Variants in BLTP1 observed in about 807,000 individuals in gnomAD.
BLTP1 encodes the protein fragile site-associated protein.
the BLTP1 span, chr4:122,249,220 C>T: frequency 1.7e-6 from 1 of 598,518 alleles, no homozygotes; most frequent in Non-Finnish European, 2.1e-6. Context: ...ATATTTTTAA[C>T]TTTATATTTT....
the BLTP1 span, among the ~76,000 whole-genome samples, chr4:122,352,301 T>C: frequency 6.6e-6 from 1 of 152,024 alleles, no homozygotes; most frequent in Non-Finnish European, 1.5e-5. Flanking sequence ...TAAAATTCCA[T>C]GCAAGTACTT....
the BLTP1 span, chr4:122,169,698 C>CAT: frequency 1.1e-6 from 1 of 946,810 alleles, no homozygotes; most frequent in South Asian, 4.9e-5. Context: ...TATATACATA[C>CAT]ATATGTATAT....
At chr4:122,185,739 T>C in the BLTP1 span, among the ~76,000 whole-genome samples, 2 of 152,114 alleles carry the variant, frequency 1.3e-5, no homozygotes, top group Non-Finnish European at 2.9e-5. Context: ...GTACTTTTAC[T>C]CTTTAAGTGG....
the BLTP1 span, chr4:122,277,544 G>A: frequency 4.2e-6 from 4 of 946,666 alleles, no homozygotes; most frequent in Non-Finnish European, 5.0e-6. Context: ...ACTGTTCTAG[G>A]CATTGGAAAG....
the BLTP1 span, among the ~76,000 whole-genome samples, chr4:122,296,146 T>C: frequency 6.6e-6 from 1 of 152,212 alleles, no homozygotes; most frequent in Non-Finnish European, 1.5e-5. Flanking sequence ...TTATCTTTGT[T>C]TGCAGATGAT....
At chr4:122,292,904 C>G in the BLTP1 span, 6 of 227,256 alleles carry the variant, frequency 2.6e-5, no homozygotes, top group Non-Finnish European at 3.6e-5. Context: ...GGGTACCTAA[C>G]TTAAAGAAGG....
the BLTP1 span, chr4:122,261,814 A>G: frequency 3.0e-6 from 3 of 984,402 alleles, no homozygotes; most frequent in African/African-American, 5.2e-5. Flanking sequence ...AGTGTTTAAT[A>G]CGTTGTGAGT....
At chr4:122,291,220 T>C in the BLTP1 span, among the ~76,000 whole-genome samples, 1 of 152,332 alleles carries the variant, frequency 6.6e-6, no homozygotes, top group Middle Eastern at 3.4e-3. Context: ...GAACCATTTC[T>C]TTCTGACTTT....
the BLTP1 span, chr4:122,170,826 A>C: frequency 1.2e-6 from 1 of 804,268 alleles, no homozygotes; most frequent in Non-Finnish European, 1.9e-6. Flanking sequence ...TGGTTGACTG[A>C]AGTTGGAACA....
chr4:122,359,840 T>C, the BLTP1 span: 1 of 1,427,118 alleles, frequency 7.0e-7, no homozygotes, highest in Non-Finnish European at 9.1e-7. Context: ...TAGTCTCCTG[T>C]AATGTCTATA....
the BLTP1 span, chr4:122,201,116 C>T: frequency 6.2e-7 from 1 of 1,609,242 alleles, no homozygotes; most frequent in Non-Finnish European, 8.5e-7. Context: ...CACAGAAAAA[C>T]TTCTTTACAG....
the BLTP1 span, chr4:122,240,110 A>G: frequency 1.2e-5 from 20 of 1,614,078 alleles, no homozygotes; most frequent in Non-Finnish European, 1.6e-5. Flanking sequence ...ATGATGTTAT[A>G]GAACATCTAT....
the BLTP1 span, among the ~76,000 whole-genome samples, chr4:122,342,628 A>T: frequency 2.0e-5 from 3 of 152,200 alleles, no homozygotes; most frequent in Non-Finnish European, 4.4e-5. Flanking sequence ...TGCTGGGATT[A>T]TAGGCATGAG....
chr4:122,209,380 C>A, the BLTP1 span: 4 of 1,596,114 alleles, frequency 2.5e-6, no homozygotes, highest in East Asian at 4.6e-5. Context: ...CACAGTGGCT[C>A]ACGCCTGTAA....
At chr4:122,167,163 C>A in the BLTP1 span, among the ~76,000 whole-genome samples, 1 of 152,132 alleles carries the variant, frequency 6.6e-6, no homozygotes, top group Non-Finnish European at 1.5e-5. Flanking sequence ...TGCACATATA[C>A]GGTACATAAA....
At chr4:122,311,619 T>G in the BLTP1 span, among the ~76,000 whole-genome samples, 1 of 152,164 alleles carries the variant, frequency 6.6e-6, no homozygotes, top group Non-Finnish European at 1.5e-5. Context: ...CCAGTAAAAT[T>G]TCTTCTCTAG....
the BLTP1 span, chr4:122,258,988 G>T: frequency 1.8e-4 from 103 of 572,272 alleles, no homozygotes; most frequent in Non-Finnish European, 2.8e-4. Flanking sequence ...TAATTTCAGT[G>T]TAAATATTTC....
chr4:122,234,716 T>C, the BLTP1 span: 2 of 1,529,542 alleles, frequency 1.3e-6, no homozygotes, highest in Non-Finnish European at 8.8e-7. Flanking sequence ...AAGTTTTTCA[T>C]TTCTTAATGA....
At chr4:122,214,712 G>A in the BLTP1 span, 1 of 183,590 alleles carries the variant, frequency 5.4e-6, no homozygotes, top group Non-Finnish European at 9.3e-6. Context: ...GACTTCCTGG[G>A]CTCAGGTGAT....
Sources: allele counts gnomAD v4.1 joint callset (sites outside exome capture counted in the v4.1 genomes callset), GRCh38; gene constraint gnomAD v4.1.1; transcripts MANE v1.5; gene names NCBI Gene and HGNC (gene_info 2026-07-23, HGNC 2026-07-21).